The following CDH18 variants were observed in gnomAD, a reference collection of about 807,000 sequenced individuals.
CDH18 encodes cadherin-18.
Under a neutral mutation model 67.9 loss-of-function variants are expected in CDH18, and 31 were observed. The observed-to-expected ratio is 0.46, with a 90% CI of 0.34 to 0.62. The LOEUF is 0.62. CDH18 is among the 20% of genes least tolerant of loss of function. CDH18 has a pLI of 0.01. For missense variants in CDH18, 890 were observed against 975.5 expected (o/e 0.91, Z 1.17); for synonymous variants, 362 against 347.2 (o/e 1.04, Z -0.48).
At chr5:19,993,875 G>T (rs570303569) in intron 2 of CDH18, among the ~76,000 whole-genome samples, 1 of 152,088 alleles carries the variant, frequency 6.6e-6, no homozygotes, top group African/African-American at 2.4e-5. Flanking sequence ...ATATATTTAC[G>T]TAAATTTTCA....
At chr5:20,444,446 A>G (rs1581010308) in intron 1 of CDH18, among the ~76,000 whole-genome samples, 1 of 152,076 alleles carries the variant, frequency 6.6e-6, no homozygotes, top group African/African-American at 2.4e-5. Flanking sequence ...TGATGAGGGG[A>G]AAATCATTGG....
intron 1 of CDH18, among the ~76,000 whole-genome samples, chr5:20,488,398 G>T (rs1443978346): frequency 1.3e-5 from 2 of 152,026 alleles, no homozygotes; most frequent in Admixed American, 1.3e-4. Context: ...ACTGAGCTCA[G>T]TGTGGTGTGT....
intron 11 of CDH18, among the ~76,000 whole-genome samples, chr5:19,484,256 T>G (rs1254169612): frequency 1.3e-5 from 2 of 152,184 alleles, no homozygotes; most frequent in Non-Finnish European, 2.9e-5. Context: ...AATTCATAGC[T>G]GAAAATAATT....
At chr5:19,590,942 C>T in intron 7 of CDH18, 115 bp downstream of exon 7, 1 of 564,130 alleles carries the variant, frequency 1.8e-6, no homozygotes. Context: ...CGCAAAGTGA[C>T]AATATTTTAT....
intron 2 of CDH18, among the ~76,000 whole-genome samples, chr5:20,152,319 T>C (rs1751190507): frequency 1.3e-5 from 2 of 149,082 alleles, no homozygotes; most frequent in Non-Finnish European, 3.0e-5. Flanking sequence ...TAAAACACTA[T>C]GAACAGATAC....
At chr5:19,634,276 CTT>C (rs1250222633) in intron 5 of CDH18, among the ~76,000 whole-genome samples, 1 of 152,072 alleles carries the variant, frequency 6.6e-6, no homozygotes, top group African/African-American at 2.4e-5. Context: ...GCTTTCTTTT[CTT>C]TTTATTTCCC....
chr5:19,918,213 T>G (rs576122959), intron 2 of CDH18, among the ~76,000 whole-genome samples: 76 of 152,294 alleles, frequency 5.0e-4, no homozygotes, highest in Non-Finnish European at 9.4e-4. Context: ...TGACTTTAAA[T>G]AGGATAACTT....
At chr5:19,831,952 T>C (rs1400357580) in intron 3 of CDH18, among the ~76,000 whole-genome samples, 1 of 152,084 alleles carries the variant, frequency 6.6e-6, no homozygotes, top group Non-Finnish European at 1.5e-5. Context: ...TCATGTCCTT[T>C]GCAGCAATGT....
intron 2 of CDH18, among the ~76,000 whole-genome samples, chr5:20,035,563 G>T (rs1470868020): frequency 6.6e-6 from 1 of 151,926 alleles, no homozygotes; most frequent in Non-Finnish European, 1.5e-5. Flanking sequence ...CCAGGGGAAA[G>T]TGCCATTTAT....
chr5:19,779,803 T>C (rs946202343), intron 3 of CDH18, among the ~76,000 whole-genome samples: 8 of 152,116 alleles, frequency 5.3e-5, no homozygotes, highest in Admixed American at 4.6e-4. Context: ...GATGAGACTT[T>C]GGGTACGACT....
At chr5:20,475,295 T>C (rs1032342553) in intron 1 of CDH18, among the ~76,000 whole-genome samples, 1 of 152,180 alleles carries the variant, frequency 6.6e-6, no homozygotes, top group South Asian at 2.1e-4. Flanking sequence ...GATTTTTTTT[T>C]ATGTTCCAGG....
chr5:19,812,356 G>A (rs1259806624), intron 3 of CDH18, among the ~76,000 whole-genome samples: 2 of 151,928 alleles, frequency 1.3e-5, no homozygotes, highest in African/African-American at 4.8e-5. Context: ...ATTATTTGGA[G>A]GTTTAAAAAT....
intron 7 of CDH18, among the ~76,000 whole-genome samples, chr5:19,584,882 C>A (rs1743907200): frequency 6.6e-6 from 1 of 150,596 alleles, no homozygotes; most frequent in Non-Finnish European, 1.5e-5. Flanking sequence ...GTGGTCCCAG[C>A]TACCAGGGAG....
chr5:19,638,281 A>T (rs1753457330), intron 5 of CDH18, among the ~76,000 whole-genome samples: 2 of 152,192 alleles, frequency 1.3e-5, no homozygotes, highest in Admixed American at 6.5e-5. Flanking sequence ...TCAAAGTCAG[A>T]CCTCAATCCT....
At chr5:19,609,786 C>G (rs559901298) in intron 6 of CDH18, among the ~76,000 whole-genome samples, 5 of 152,078 alleles carry the variant, frequency 3.3e-5, no homozygotes, top group African/African-American at 1.2e-4. Context: ...ACTGTAAAAA[C>G]CTCACATTAA....
At chr5:20,509,987 A>G (rs983195269) in intron 1 of CDH18, among the ~76,000 whole-genome samples, 1 of 152,278 alleles carries the variant, frequency 6.6e-6, no homozygotes, top group African/African-American at 2.4e-5. Flanking sequence ...TAATGGCTGT[A>G]CAAGTTTTCA....
intron 2 of CDH18, among the ~76,000 whole-genome samples, chr5:19,928,754 A>C (rs1324846095): frequency 6.6e-6 from 1 of 152,100 alleles, no homozygotes; most frequent in African/African-American, 2.4e-5. Flanking sequence ...AGCTGAACTT[A>C]AACCTTGGCA....
At chr5:19,956,561 C>T (rs1227724778) in intron 2 of CDH18, among the ~76,000 whole-genome samples, 2 of 151,298 alleles carry the variant, frequency 1.3e-5, no homozygotes, top group Non-Finnish European at 2.9e-5. Flanking sequence ...AATTTACATT[C>T]AATACTGATT....
chr5:20,499,282 C>G lies in CDH18; in HGVS notation c.-580+76180G>C, dbSNP rs578091865. Among the ~76,000 whole-genome samples the G allele has an allele frequency of 2.4e-3, 358 of 152,168 alleles. 2 individuals are homozygous for G. Among genetic ancestry groups the G allele is most frequent in the African/African-American group, 8.3e-3 (343 of 41,512 alleles). ...TCTTCCTATATATTTTAAATCATCT[C>G]TCTATTACTTAGAATACAAACTACA... On this transcript the variant is annotated intron_variant, in intron 1 of 14. Transcript: ENST00000507958.
Sources: allele counts gnomAD v4.1 joint callset (sites outside exome capture counted in the v4.1 genomes callset), GRCh38; gene constraint gnomAD v4.1.1; transcripts MANE v1.5; gene names NCBI Gene and HGNC (gene_info 2026-07-23, HGNC 2026-07-21).